Variants in PCDHA9 observed in about 807,000 individuals in gnomAD.
PCDHA9 encodes the protein protocadherin alpha-9.
PCDHA9 carries 62 observed loss-of-function variants against 62.0 expected under a neutral mutation model. The ratio of observed to expected loss-of-function variants is 1.00; its 90% CI spans 0.81 to 1.23. PCDHA9 has a LOEUF of 1.23. Ranked by LOEUF, PCDHA9 falls within the 50% of genes most tolerant of loss-of-function variation. The pLI is 0.00. For synonymous variants in PCDHA9, 557 were observed against 567.6 expected (o/e 0.98, Z 0.27); for missense variants, 1,205 against 1,249.8 (o/e 0.96, Z 0.54).
chr5:140,868,423 T>A (rs1554161972), intron 1 of PCDHA9: 1 of 151,106 alleles, frequency 6.6e-6, no homozygotes, highest in African/African-American at 2.4e-5. Flanking sequence ...CCCACAGAGA[T>A]GAGAATAGAT....
chr5:140,967,229 C>T, intron 1 of PCDHA9: 2 of 1,613,760 alleles, frequency 1.2e-6, no homozygotes, highest in East Asian at 2.2e-5. Flanking sequence ...CAACTACCAG[C>T]TTCAGGTAAG....
rs189370080 is a variant in PCDHA9 at position 140,877,740 on chromosome 5, G to C, written c.2394+26851G>C. 2.8e-3 allele frequency: 4,494 copies of C among 1,614,198 alleles called. 21 individuals carry two copies. Among genetic ancestry groups the C allele is most frequent in the African/African-American group, 0.01 (782 of 75,064 alleles). On this transcript the variant is annotated intron_variant, in intron 1 of 3. Transcript: ENST00000532602. ...GGTCTTACTCGCAGCAGAGGAGGCA[G>C]AGGGTGTGCTCTGCAGAGAGCCCGC...
At chr5:140,870,292 G>A (rs782159013) in intron 1 of PCDHA9, 1 of 1,614,176 alleles carries the variant, frequency 6.2e-7, no homozygotes, top group Non-Finnish European at 8.5e-7. Context: ...CTTCAAGCTG[G>A]TGTCCACCTT....
At chr5:140,976,688 G>T (rs1343503965) in intron 1 of PCDHA9, among the ~76,000 whole-genome samples, 2 of 152,118 alleles carry the variant, frequency 1.3e-5, no homozygotes, top group East Asian at 3.8e-4. Context: ...TGCAATTTAA[G>T]TACAATAATG....
intron 1 of PCDHA9, among the ~76,000 whole-genome samples, chr5:140,971,957 AC>A (rs1360214556): frequency 6.6e-6 from 1 of 152,060 alleles, no homozygotes; most frequent in Non-Finnish European, 1.5e-5. Flanking sequence ...GACTCCAAAA[AC>A]TTTTTTTCAA....
At chr5:140,858,485 T>G (rs2045446148) in intron 1 of PCDHA9, 1 of 1,503,010 alleles carries the variant, frequency 6.7e-7, no homozygotes, top group Non-Finnish European at 9.1e-7. Flanking sequence ...GAATAATATT[T>G]TCTCTTACCG....
At chr5:140,883,024 A>G (rs782136244) in intron 1 of PCDHA9, 3 of 1,614,184 alleles carry the variant, frequency 1.9e-6, no homozygotes, top group Non-Finnish European at 2.5e-6. Context: ...TGACGGTGTT[A>G]GAGAACGCCT....
rs1383448278 is a variant in PCDHA9, at chr5:140,849,221, C to T, written c.726C>T (p.Phe242=). Residue 242 remains phenylalanine (F), a synonymous_variant, in exon 1 of 4, where the codon TTC becomes TTT. Coordinates refer to ENST00000532602, the MANE Select transcript of PCDHA9 (RefSeq NM_031857.2). ...ACAACAATGACAATGCCCCAGTGTT[C>T]GACAGAACCCTGTATACGGTGAAAT... The part of the protein sequence containing the change: ...VLDNNDNAPV[F]DRTLYTVKLP... The T allele has an allele frequency of 2.9e-6, 3 of 1,037,238 alleles. No homozygotes were observed. Among genetic ancestry groups the T allele is most frequent in the Admixed American group, 2.8e-5 (1 of 35,772 alleles). 64.3% of individuals were successfully genotyped at this position (1,037,238 alleles called of 1,614,324 possible). A position where few individuals can be genotyped will look rare whatever the true frequency, so the allele number is the denominator to read the frequency against.
intron 1 of PCDHA9, among the ~76,000 whole-genome samples, chr5:140,959,659 A>G (rs1020730964): frequency 6.6e-6 from 1 of 152,250 alleles, no homozygotes; most frequent in Non-Finnish European, 1.5e-5. Context: ...AAATTGAAGA[A>G]TTTGTAAATC....
intron 3 of PCDHA9, among the ~76,000 whole-genome samples, chr5:140,992,085 TAGAGAA>T (rs1253503619): frequency 1.4e-5 from 2 of 146,836 alleles, no homozygotes; most frequent in Non-Finnish European, 3.0e-5. Flanking sequence ...TGAGCTAGAG[TAGAGAA>T]AGAGAATTAA....
intron 1 of PCDHA9, among the ~76,000 whole-genome samples, chr5:140,917,832 C>T (rs1554198323): frequency 1.3e-5 from 2 of 151,488 alleles, no homozygotes; most frequent in Admixed American, 6.6e-5. Context: ...AGTGTGATGT[C>T]CTTCTTGTTC....
intron 3 of PCDHA9, among the ~76,000 whole-genome samples, chr5:141,000,387 C>G (rs868946328): frequency 1.5e-5 from 1 of 66,898 alleles, no homozygotes. Context: ...CTCTCTCTCT[C>G]TCTCTCTCTA....
At chr5:140,891,855 C>T (rs1282802499) in intron 1 of PCDHA9, among the ~76,000 whole-genome samples, 1 of 152,156 alleles carries the variant, frequency 6.6e-6, no homozygotes, top group Admixed American at 6.6e-5. Flanking sequence ...GAGCCTGTCC[C>T]TCTCTTATGC....
At chr5:140,858,494 C>A (rs1451749220) in intron 1 of PCDHA9, 1 of 1,482,778 alleles carries the variant, frequency 6.7e-7, no homozygotes. Context: ...TTTCTCTTAC[C>A]GCATTTTCTC....
chr5:140,954,920 G>A (rs1295412224), intron 1 of PCDHA9, among the ~76,000 whole-genome samples: 2 of 152,076 alleles, frequency 1.3e-5, no homozygotes, highest in East Asian at 3.9e-4. Context: ...TATGAATTAC[G>A]TCTTTAATTA....
At chr5:140,921,988 A>G (rs1182214376) in intron 1 of PCDHA9, among the ~76,000 whole-genome samples, 1 of 152,132 alleles carries the variant, frequency 6.6e-6, no homozygotes, top group Non-Finnish European at 1.5e-5. Flanking sequence ...ACTAAAAAAG[A>G]GTTCAATGAA....
rs70988781 is a variant in PCDHA9 at position 140,941,319 on chromosome 5, CTT to C, written c.2395-37616_2395-37615del. Among the ~76,000 whole-genome samples, 109 of 104,374 alleles carry C rather than the reference CTT, an allele frequency of 1.0e-3. 2 individuals are homozygous for C. Among genetic ancestry groups the C allele is most frequent in the East Asian group, 2.8e-3 (11 of 3,932 alleles). The allele number at this position is 104,374 out of a possible 152,430, so 68.5% of individuals were successfully genotyped here. A position where few individuals can be genotyped will look rare whatever the true frequency, so the allele number is the denominator to read the frequency against. ...TTCTTTCTTTCTTTTTCTTCTTTCT[CTT>C]TTTTTTTTTTTTTCAGATGGAGTCT... On this transcript the variant is annotated intron_variant, in intron 1 of 3. Coordinates refer to ENST00000532602, the MANE Select transcript of PCDHA9 (RefSeq NM_031857.2).
At chr5:141,005,469 C>T (rs549630927) in intron 3 of PCDHA9, among the ~76,000 whole-genome samples, 2 of 151,656 alleles carry the variant, frequency 1.3e-5, no homozygotes, top group South Asian at 2.1e-4. Flanking sequence ...TTTGGGAGGC[C>T]GAGACGGGCG....
intron 3 of PCDHA9, 39 bp from the exon 4 acceptor site, chr5:141,009,588 G>A: frequency 6.3e-7 from 1 of 1,598,586 alleles, no homozygotes; most frequent in Non-Finnish European, 8.5e-7. Context: ...AAGAGCATGT[G>A]TTGACCCTGT....
Sources: gnomAD v4.1 joint callset for allele counts (sites outside exome capture counted in the v4.1 genomes callset) on GRCh38, gnomAD v4.1.1 for gene constraint, MANE v1.5 for transcripts, NCBI Gene and HGNC (gene_info 2026-07-23, HGNC 2026-07-21) for gene names.